The following MROH9 variants were observed in gnomAD, a reference collection of about 807,000 sequenced individuals.
MROH9 encodes the protein maestro heat-like repeat-containing protein family member 9.
MROH9 carries 92 observed loss-of-function variants against 98.2 expected under a neutral mutation model. That is an observed-to-expected ratio of 0.94 (90% CI 0.79 to 1.11). The LOEUF is 1.11. Among genes scored for constraint, MROH9 ranks in the 50% most tolerant of loss-of-function variants. The pLI, the probability that MROH9 is intolerant of heterozygous loss-of-function variation, is 0.00. For missense variants in MROH9, 1,057 were observed against 1,014.8 expected (o/e 1.04, Z -0.57); for synonymous variants, 397 against 368.9 (o/e 1.08, Z -0.87).
intron 1 of MROH9, among the ~76,000 whole-genome samples, chr1:170,942,407 A>C (rs954690694): frequency 5.7e-5 from 7 of 122,502 alleles, no homozygotes; most frequent in Non-Finnish European, 9.0e-5. Context: ...ACACACACAC[A>C]CACCCTCAGA....
chr1:170,972,352 C>T (rs1650492575), intron 8 of MROH9, among the ~76,000 whole-genome samples: 1 of 152,072 alleles, frequency 6.6e-6, no homozygotes, highest in African/African-American at 2.4e-5. Context: ...AAGCTATTTC[C>T]AAGTAATTTA....
intron 6 of MROH9, among the ~76,000 whole-genome samples, chr1:170,963,216 G>C (rs1049070582): frequency 1.3e-5 from 2 of 150,874 alleles, no homozygotes; most frequent in East Asian, 3.9e-4. Flanking sequence ...TGGCCAACAA[G>C]AATATGAAAA....
chr1:170,966,247 G>A (rs28734803), intron 7 of MROH9, among the ~76,000 whole-genome samples: 48,417 of 151,824 alleles, frequency 0.32, 8,031 homozygotes, highest in African/African-American at 0.41. Context: ...TTTGCATTTC[G>A]GATGGAGAAC....
chr1:171,028,431 C>G (rs561210227), intron 20 of MROH9, among the ~76,000 whole-genome samples: 2 of 152,122 alleles, frequency 1.3e-5, no homozygotes, highest in Non-Finnish European at 2.9e-5. Flanking sequence ...TTACTGTAGC[C>G]TTGTGGTATA....
chr1:170,989,198 T>C (rs1337797905), intron 10 of MROH9, among the ~76,000 whole-genome samples: 1 of 152,046 alleles, frequency 6.6e-6, no homozygotes, highest in Non-Finnish European at 1.5e-5. Flanking sequence ...AAGAAAAAAA[T>C]GCAATGGATT....
At chr1:170,949,138 C>T (rs28420442) in intron 3 of MROH9, among the ~76,000 whole-genome samples, 2,278 of 152,070 alleles carry the variant, frequency 0.015, 55 homozygotes, top group African/African-American at 0.052. Context: ...TTTATTTCCC[C>T]ATGTCAACTA....
intron 1 of MROH9, among the ~76,000 whole-genome samples, chr1:170,943,757 T>C (rs1012623): frequency 0.61 from 91,845 of 151,716 alleles, 28,161 homozygotes; most frequent in South Asian, 0.7. Flanking sequence ...AGGAGTATTA[T>C]ATGCAGTCAA....
In MROH9 at chr1:171,064,135, T is replaced by G; in HGVS notation, c.2381T>G (p.Ile794Ser). 6.5e-7 allele frequency: 1 copy of G among 1,550,376 alleles called. No individual in the cohort carries two copies. Among genetic ancestry groups the G allele is most frequent in the Non-Finnish European group, 8.7e-7 (1 of 1,146,730 alleles). ...CTGCTCCGAGATGAAGACCCTATGA[T>G]CAAACAGTTGGCTGAAATAACCTAT... ...ERLLRDEDPM[I>S]KQLAEITYDI... The change falls in exon 22 of 22, where the codon ATC becomes AGC. Residue 794 changes from isoleucine (I) to serine (S), a missense_variant. Transcript: ENST00000367759.
At chr1:171,048,826 G>C (rs550126707) in intron 20 of MROH9, among the ~76,000 whole-genome samples, 14 of 152,284 alleles carry the variant, frequency 9.2e-5, no homozygotes, top group Admixed American at 9.2e-4. Flanking sequence ...TATTGCTGCT[G>C]GTTATTCAAG....
chr1:170,973,966 A>G (rs1348952176), intron 8 of MROH9, among the ~76,000 whole-genome samples: 1 of 152,228 alleles, frequency 6.6e-6, no homozygotes, highest in Admixed American at 6.5e-5. Flanking sequence ...TTAAGTAGAG[A>G]CAGAAAAACT....
intron 20 of MROH9, among the ~76,000 whole-genome samples, chr1:171,050,895 GC>G: frequency 6.6e-6 from 1 of 152,230 alleles, no homozygotes; most frequent in Non-Finnish European, 1.5e-5. Context: ...TTTATCAAAT[GC>G]TTTTTCTACA....
At chr1:170,996,697 AACTTCCTT>A in intron 14 of MROH9, 53 bp downstream of exon 14, 2 of 1,565,092 alleles carry the variant, frequency 1.3e-6, no homozygotes, top group Non-Finnish European at 1.7e-6. Context: ...TACCTTCTCC[AACTTCCTT>A]CAATAAGCCA....
intron 3 of MROH9, among the ~76,000 whole-genome samples, chr1:170,957,016 CT>C (rs36026353): frequency 0.02 from 2,834 of 139,186 alleles, 64 homozygotes; most frequent in African/African-American, 0.06. Flanking sequence ...GGATTATCTG[CT>C]TTTTTTTTTT....
chr1:171,060,638 A>T (rs185273617), intron 20 of MROH9, among the ~76,000 whole-genome samples: 1 of 152,338 alleles, frequency 6.6e-6, no homozygotes, highest in East Asian at 1.9e-4. Flanking sequence ...ACTGCCGAAC[A>T]GTAAGGTAAG....
At chr1:171,034,091 C>T (rs1389808834) in intron 20 of MROH9, among the ~76,000 whole-genome samples, 1 of 152,010 alleles carries the variant, frequency 6.6e-6, no homozygotes, top group South Asian at 2.1e-4. Context: ...AACTTCTTTA[C>T]TTCAATATTC....
In MROH9 at chr1:170,995,455, C is replaced by T. The variant is rs773196117; in HGVS notation, c.1261C>T (p.Pro421Ser). The T allele has an allele frequency of 6.2e-7, 1 of 1,613,388 alleles. No homozygotes were observed. Among genetic ancestry groups the T allele is most frequent in the Non-Finnish European group, 8.5e-7 (1 of 1,179,594 alleles). The change falls in exon 13 of 22, where the codon CCC becomes TCC. Residue 421 changes from proline (P) to serine (S), a missense_variant. Coordinates refer to ENST00000367759, the MANE Select transcript of MROH9 (RefSeq NM_001163629.2). The stretch of plus-strand genomic sequence containing the variant: ...CAGGAAAGCGGTGGCCCAGTATTTC[C>T]CCCAGCTCTTGACGACTCTTATGTT... ...SYRKAVAQYF[P>S]QLLTTLMFQV... is the part of the protein sequence containing the mutation.
chr1:171,038,933 G>C (rs1653199183), intron 20 of MROH9, among the ~76,000 whole-genome samples: 3 of 147,934 alleles, frequency 2.0e-5, no homozygotes, highest in South Asian at 4.2e-4. Flanking sequence ...TATTCATGAA[G>C]AAAAAAAAAA....
chr1:171,064,620 T>C lies in MROH9; in HGVS notation c.*280T>C. The C allele has an allele frequency of 3.6e-6, 1 of 279,530 alleles. No homozygotes were observed. Among genetic ancestry groups the C allele is most frequent in the Non-Finnish European group, 6.6e-6 (1 of 151,794 alleles). The allele number at this position is 279,530 out of a possible 1,614,324, so 17.3% of individuals were successfully genotyped here. On this transcript the variant is annotated 3_prime_UTR_variant, in exon 22 of 22. Coordinates refer to ENST00000367759, the MANE Select transcript of MROH9 (RefSeq NM_001163629.2). ...ACAATTGAAAATAACATAAGCAAAG[T>C]GTTTGATGAGAAGCTCTGGGAACTT...
At chr1:170,951,725 C>T (rs1379470126) in intron 3 of MROH9, among the ~76,000 whole-genome samples, 3 of 152,068 alleles carry the variant, frequency 2.0e-5, no homozygotes, top group African/African-American at 7.2e-5. Flanking sequence ...TTGATCAGTG[C>T]TTCTCACTAT....
Sources: allele counts gnomAD v4.1 joint callset (sites outside exome capture counted in the v4.1 genomes callset), GRCh38; gene constraint gnomAD v4.1.1; transcripts MANE v1.5; gene names NCBI Gene and HGNC (gene_info 2026-07-23, HGNC 2026-07-21).